Variants in DYM observed in about 807,000 individuals in gnomAD.
The protein encoded by DYM is dyggve-Melchior-Clausen syndrome protein.
DYM carries 78 observed loss-of-function variants against 93.1 expected under a neutral mutation model. The observed-to-expected ratio is 0.84, with a 90% CI of 0.70 to 1.01. The LOEUF is 1.01. Among genes scored for constraint, DYM ranks in the 50% least tolerant of loss-of-function variants. The probability of loss-of-function intolerance (pLI) is 0.00; values close to 1 mark genes in which losing one functional copy is unlikely to be tolerated. For synonymous variants in DYM, 321 were observed against 319.7 expected, an observed-to-expected ratio of 1.00 and a Z score of -0.04; for missense variants, 789 against 845.0, an observed-to-expected ratio of 0.93 and a Z score of 0.82.
chr18:49,435,340 G>T (rs1374251334), intron 1 of DYM, among the ~76,000 whole-genome samples: 3 of 150,370 alleles, frequency 2.0e-5, no homozygotes, highest in African/African-American at 7.3e-5. Flanking sequence ...GTGAAGTGGT[G>T]ATGTTGTTAT....
intron 16 of DYM, among the ~76,000 whole-genome samples, chr18:49,106,125 G>A (rs986248100): frequency 1.3e-5 from 2 of 152,292 alleles, no homozygotes; most frequent in Admixed American, 1.3e-4. Flanking sequence ...AGGATAGTTA[G>A]CTCTTCTTGT....
intron 2 of DYM, among the ~76,000 whole-genome samples, chr18:49,407,900 C>T (rs761762075): frequency 1.3e-5 from 2 of 151,964 alleles, no homozygotes; most frequent in Admixed American, 1.3e-4. Context: ...ATTTTTGCAA[C>T]CTCTAATCCA....
intron 2 of DYM, among the ~76,000 whole-genome samples, chr18:49,417,497 G>C (rs967761096): frequency 6.6e-6 from 1 of 151,896 alleles, no homozygotes; most frequent in Non-Finnish European, 1.5e-5. Context: ...CAAAACACTG[G>C]AAGCAATCCA....
chr18:49,325,760 G>T (rs1160215950), intron 8 of DYM, among the ~76,000 whole-genome samples: 2 of 152,180 alleles, frequency 1.3e-5, no homozygotes, highest in African/African-American at 4.8e-5. Flanking sequence ...TCCAGAATCA[G>T]GGAAGTTAGA....
chr18:49,144,052 T>G (rs1198033895), intron 15 of DYM, among the ~76,000 whole-genome samples: 1 of 152,196 alleles, frequency 6.6e-6, no homozygotes, highest in Non-Finnish European at 1.5e-5. Flanking sequence ...TGCTCAACTT[T>G]CTAATTAGGT....
chr18:49,324,399 T>C (rs1488727171), intron 8 of DYM, among the ~76,000 whole-genome samples: 1 of 152,166 alleles, frequency 6.6e-6, no homozygotes, highest in Non-Finnish European at 1.5e-5. Flanking sequence ...AATAACCTTT[T>C]AGATAAATTA....
intron 15 of DYM, among the ~76,000 whole-genome samples, chr18:49,155,613 C>A (rs1279094651): frequency 1.3e-5 from 2 of 152,234 alleles, no homozygotes; most frequent in Non-Finnish European, 2.9e-5. Flanking sequence ...TCTGGACATT[C>A]CATATACATG....
intron 15 of DYM, among the ~76,000 whole-genome samples, chr18:49,152,429 T>G (rs1242463847): frequency 1.3e-5 from 2 of 152,188 alleles, no homozygotes; most frequent in African/African-American, 4.8e-5. Flanking sequence ...GAAAATTGGT[T>G]GTCTTATGTC....
intron 2 of DYM, among the ~76,000 whole-genome samples, chr18:49,427,986 G>A (rs2074447687): frequency 6.6e-6 from 1 of 152,118 alleles, no homozygotes. Context: ...AGCTACTCAG[G>A]AAGGTGAAGT....
chr18:49,266,068 G>A (rs922134625), intron 11 of DYM, among the ~76,000 whole-genome samples: 2 of 152,044 alleles, frequency 1.3e-5, no homozygotes, highest in African/African-American at 4.8e-5. Context: ...GCTGAGGCAC[G>A]AGAATTGCGT....
At chr18:49,318,383 G>T (rs974377051) in intron 8 of DYM, among the ~76,000 whole-genome samples, 1 of 152,212 alleles carries the variant, frequency 6.6e-6, no homozygotes, top group Non-Finnish European at 1.5e-5. Context: ...ACTTTGGGAG[G>T]CCAAGGCAGG....
intron 1 of DYM, among the ~76,000 whole-genome samples, chr18:49,433,815 C>G (rs563068056): frequency 7.9e-5 from 12 of 152,216 alleles, no homozygotes; most frequent in African/African-American, 2.9e-4. Context: ...TTGCAGTGAG[C>G]CGAGATTGTG....
chr18:49,459,651 G>C (rs2083304155), intron 1 of DYM, among the ~76,000 whole-genome samples: 1 of 151,958 alleles, frequency 6.6e-6, no homozygotes, highest in Non-Finnish European at 1.5e-5. Context: ...CCCCTAATCA[G>C]TCTATCCTGG....
At chr18:49,106,201 G>A (rs1391290109) in intron 16 of DYM, among the ~76,000 whole-genome samples, 1 of 152,172 alleles carries the variant, frequency 6.6e-6, no homozygotes, top group Non-Finnish European at 1.5e-5. Context: ...TTGGTTTAAA[G>A]TCTGTTTTAT....
intron 15 of DYM, among the ~76,000 whole-genome samples, chr18:49,145,146 A>ATATATATGAATTTTT (rs2084978765): frequency 7.3e-6 from 1 of 136,456 alleles, no homozygotes; most frequent in African/African-American, 2.7e-5. Context: ...ATTTATATAT[A>ATATATATGAATTTTT]TAATATACAA....
At chr18:49,161,087 G>GAAAAAAAAAAAAAAA (rs879775833) in intron 15 of DYM, among the ~76,000 whole-genome samples, 1 of 104,716 alleles carries the variant, frequency 9.5e-6, no homozygotes, top group African/African-American at 3.6e-5. Flanking sequence ...TAAATGTTAA[G>GAAAAAAAAAAAAAAA]AAAAAAAAAA....
chr18:49,324,565 T>C (rs1473878675), intron 8 of DYM, among the ~76,000 whole-genome samples: 1 of 152,210 alleles, frequency 6.6e-6, no homozygotes, highest in Non-Finnish European at 1.5e-5. Flanking sequence ...GAAAAGCCAG[T>C]TGGAGAAAAC....
chr18:49,275,196 C>T (rs991333302), intron 10 of DYM, among the ~76,000 whole-genome samples: 1 of 152,128 alleles, frequency 6.6e-6, no homozygotes, highest in African/African-American at 2.4e-5. Flanking sequence ...AGTGACTACA[C>T]AGTGGCACCA....
intron 6 of DYM, among the ~76,000 whole-genome samples, chr18:49,354,528 G>A (rs2147217256): frequency 6.6e-6 from 1 of 152,126 alleles, no homozygotes; most frequent in African/African-American, 2.4e-5. Flanking sequence ...GAAAACACTT[G>A]CAGAAGACAT....
Sources: gnomAD v4.1 joint callset for allele counts (sites outside exome capture counted in the v4.1 genomes callset) on GRCh38, gnomAD v4.1.1 for gene constraint, MANE v1.5 for transcripts, NCBI Gene and HGNC (gene_info 2026-07-23, HGNC 2026-07-21) for gene names.